DCC: variants seen among roughly 807,000 people sequenced by gnomAD.
DCC encodes the protein netrin receptor DCC.
DCC carries 58 observed loss-of-function variants against 172.5 expected under a neutral mutation model. That is an observed-to-expected ratio of 0.34 (90% confidence interval 0.27 to 0.42). The LOEUF is 0.42. DCC is among the 10% of genes least tolerant of loss of function. The pLI, the probability that DCC is intolerant of heterozygous loss-of-function variation, is 1.00. For missense variants in DCC, 1,740 were observed against 1,791.0 expected (o/e 0.97, Z 0.51); for synonymous variants, 709 against 644.5 (o/e 1.10, Z -1.52).
intron 1 of DCC, among the ~76,000 whole-genome samples, chr18:52,631,833 A>G (rs1025537670): frequency 5.3e-5 from 8 of 152,224 alleles, no homozygotes; most frequent in Admixed American, 2.0e-4. Flanking sequence ...AAGGAGGTCG[A>G]GTTCATTTTA....
At chr18:52,936,081 C>G (rs1332227472) in intron 5 of DCC, among the ~76,000 whole-genome samples, 5 of 151,954 alleles carry the variant, frequency 3.3e-5, no homozygotes, top group Admixed American at 3.3e-4. Flanking sequence ...GGTTTTGATC[C>G]TAAATGTAGG....
At chr18:52,889,271 C>A (rs2039614667) in intron 2 of DCC, among the ~76,000 whole-genome samples, 1 of 151,914 alleles carries the variant, frequency 6.6e-6, no homozygotes, top group Non-Finnish European at 1.5e-5. Flanking sequence ...AGTGATAAAT[C>A]TAAGATTTGT....
At chr18:52,498,066 AC>A (rs2030871231) in intron 1 of DCC, among the ~76,000 whole-genome samples, 1 of 152,224 alleles carries the variant, frequency 6.6e-6, no homozygotes. Context: ...ATAAAACTTC[AC>A]TTATGGACAT....
intron 12 of DCC, among the ~76,000 whole-genome samples, chr18:53,259,759 C>T (rs1304254073): frequency 6.6e-6 from 1 of 152,040 alleles, no homozygotes; most frequent in Non-Finnish European, 1.5e-5. Context: ...TATTGGCCTG[C>T]CTTGGTAGAT....
chr18:52,957,536 A>G (rs1471583928), intron 5 of DCC, among the ~76,000 whole-genome samples: 1 of 152,160 alleles, frequency 6.6e-6, no homozygotes, highest in Non-Finnish European at 1.5e-5. Context: ...TATTAATAGG[A>G]CCATTATCTC....
At chr18:53,388,794 A>T (rs925409174) in intron 16 of DCC, among the ~76,000 whole-genome samples, 1 of 151,916 alleles carries the variant, frequency 6.6e-6, no homozygotes, top group Non-Finnish European at 1.5e-5. Context: ...TTTAAAGTTC[A>T]TTTTTTTTGA....
intron 1 of DCC, among the ~76,000 whole-genome samples, chr18:52,486,909 A>T (rs1343430969): frequency 6.6e-6 from 1 of 152,166 alleles, no homozygotes; most frequent in Non-Finnish European, 1.5e-5. Flanking sequence ...TCTCTCAAAC[A>T]TATGAGACAT....
At chr18:53,414,161 A>C (rs1258693665) in intron 20 of DCC, among the ~76,000 whole-genome samples, 2 of 152,222 alleles carry the variant, frequency 1.3e-5, no homozygotes, top group African/African-American at 4.8e-5. Context: ...AAATCTTGAC[A>C]AGGTACAAGA....
chr18:52,552,081 G>A (rs2032791174), intron 1 of DCC, among the ~76,000 whole-genome samples: 1 of 152,062 alleles, frequency 6.6e-6, no homozygotes, highest in South Asian at 2.1e-4. Context: ...GTAATTCCAA[G>A]TGAGAAACCA....
chr18:52,762,823 A>G (rs954809115), intron 2 of DCC, among the ~76,000 whole-genome samples: 15 of 152,138 alleles, frequency 9.9e-5, no homozygotes, highest in Admixed American at 4.6e-4. Context: ...ATCACAACTT[A>G]AAAAAAAGAT....
intron 5 of DCC, among the ~76,000 whole-genome samples, chr18:53,034,382 C>T (rs2042064899): frequency 6.6e-6 from 1 of 152,078 alleles, no homozygotes; most frequent in South Asian, 2.1e-4. Context: ...ACATCAAATG[C>T]ATTATTTCTT....
intron 22 of DCC, among the ~76,000 whole-genome samples, chr18:53,449,263 C>T (rs1451713826): frequency 2.0e-5 from 3 of 152,044 alleles, no homozygotes; most frequent in African/African-American, 7.2e-5. Context: ...CTTGTAATGA[C>T]AAACATGACT....
chr18:52,396,929 T>A (rs1192856052), intron 1 of DCC, among the ~76,000 whole-genome samples: 1 of 152,068 alleles, frequency 6.6e-6, no homozygotes, highest in Non-Finnish European at 1.5e-5. Context: ...CCTTAGCTGA[T>A]GCTTAGAGCA....
chr18:52,484,071 A>T (rs1380369430), intron 1 of DCC, among the ~76,000 whole-genome samples: 1 of 152,032 alleles, frequency 6.6e-6, no homozygotes, highest in African/African-American at 2.4e-5. Flanking sequence ...TTTTGTTTTG[A>T]CTTTTCTTCC....
At chr18:53,021,033 G>A (rs756076061) in intron 5 of DCC, among the ~76,000 whole-genome samples, 2 of 152,280 alleles carry the variant, frequency 1.3e-5, no homozygotes, top group South Asian at 4.1e-4. Context: ...CCAGGGAGCA[G>A]AGAGGAAAAT....
intron 1 of DCC, among the ~76,000 whole-genome samples, chr18:52,550,963 A>G (rs2032754149): frequency 6.6e-6 from 1 of 151,954 alleles, no homozygotes; most frequent in Non-Finnish European, 1.5e-5. Flanking sequence ...AAAAAAATGA[A>G]TGCTAATGAT....
intron 15 of DCC, among the ~76,000 whole-genome samples, chr18:53,345,346 A>G (rs1190563945): frequency 2.6e-5 from 4 of 152,306 alleles, no homozygotes; most frequent in Admixed American, 6.5e-5. Flanking sequence ...ACATTGTAGC[A>G]CATCATATAA....
At chr18:52,872,798 G>C (rs2039342642) in intron 2 of DCC, among the ~76,000 whole-genome samples, 1 of 152,076 alleles carries the variant, frequency 6.6e-6, no homozygotes, top group South Asian at 2.1e-4. Context: ...AGGGGTTAGT[G>C]GCCCTAAAGA....
At chr18:52,742,251 T>C (rs1483219996) in intron 1 of DCC, among the ~76,000 whole-genome samples, 3 of 152,048 alleles carry the variant, frequency 2.0e-5, no homozygotes, top group Non-Finnish European at 4.4e-5. Flanking sequence ...TTCTTCACAA[T>C]ATTCAGGTCT....
Sources: gnomAD v4.1 joint callset for allele counts (sites outside exome capture counted in the v4.1 genomes callset) on GRCh38, gnomAD v4.1.1 for gene constraint, MANE v1.5 for transcripts, NCBI Gene and HGNC (gene_info 2026-07-23, HGNC 2026-07-21) for gene names.